DOCK3: variants seen among roughly 807,000 people sequenced by gnomAD.
DOCK3 encodes the protein dedicator of cytokinesis 3.
DOCK3 carries 60 observed loss-of-function variants against 265.6 expected under a neutral mutation model. The ratio of observed to expected loss-of-function variants is 0.23; its 90% CI spans 0.18 to 0.28. The LOEUF (loss-of-function observed/expected upper bound fraction) is 0.28. Ranked by LOEUF, DOCK3 falls within the 10% of genes least tolerant of loss-of-function variation. The pLI is 1.00. For missense variants in DOCK3, 1,981 were observed against 2,594.3 expected (o/e 0.76, Z 5.14); for synonymous variants, 881 against 938.0 (o/e 0.94, Z 1.11).
At chr3:51,230,989 A>G (rs537160105) in intron 19 of DOCK3, among the ~76,000 whole-genome samples, 1 of 152,096 alleles carries the variant, frequency 6.6e-6, no homozygotes, top group African/African-American at 2.4e-5. Context: ...GCTGGGTCAA[A>G]TGTTAGTTCT....
chr3:51,186,076 G>GAA (rs1226808770), intron 12 of DOCK3, among the ~76,000 whole-genome samples: 1 of 152,176 alleles, frequency 6.6e-6, no homozygotes, highest in Non-Finnish European at 1.5e-5. Context: ...GAACAGTTTG[G>GAA]AGGGCTCAGA....
At chr3:51,224,452 C>G (rs1337788589) in intron 14 of DOCK3, among the ~76,000 whole-genome samples, 1 of 152,188 alleles carries the variant, frequency 6.6e-6, no homozygotes, top group Non-Finnish European at 1.5e-5. Context: ...AAAAAGAGAG[C>G]ATTGTCATTT....
At chr3:50,790,594 C>A (rs1038314148) in intron 2 of DOCK3, among the ~76,000 whole-genome samples, 1 of 151,072 alleles carries the variant, frequency 6.6e-6, no homozygotes, top group East Asian at 2.0e-4. Flanking sequence ...TTGCTAGATA[C>A]AAAATTCATG....
intron 27 of DOCK3, among the ~76,000 whole-genome samples, chr3:51,295,391 C>G (rs527483478): frequency 6.6e-6 from 1 of 152,272 alleles, no homozygotes; most frequent in African/African-American, 2.4e-5. Context: ...CTCACTTTTC[C>G]CCAAGGGAAG....
Position 51,310,286 on chromosome 3 carries a change from T to C in DOCK3, c.2977T>C (p.Phe993Leu). ...CCGGAACCTGATGAAGATGAGTGTC[T>C]TCCCTCGGGACTGGATGGTAATGAG... ...VFRNLMKMSV[F>L]PRDWMVMRLL... The change falls in exon 28 of 53, where the codon TTC becomes CTC. Residue 993 changes from phenylalanine to leucine, a missense_variant. Around this residue, in one of 4 missense-constraint regions of DOCK3, gnomAD observed 1,357 missense variants for 1,866.8 expected, o/e 0.73. Transcript: ENST00000266037. The C allele has an allele frequency of 6.2e-7, 1 of 1,605,882 alleles. No individual in the cohort carries two copies. The highest frequency in any genetic ancestry group is 8.5e-7 in the Non-Finnish European group (1 of 1,176,266).
intron 21 of DOCK3, among the ~76,000 whole-genome samples, chr3:51,240,937 T>G (rs982221493): frequency 6.6e-6 from 1 of 152,182 alleles, no homozygotes; most frequent in Non-Finnish European, 1.5e-5. Flanking sequence ...ATATTCAAAG[T>G]TAGTATTGAT....
chr3:51,110,950 G>C (rs1019492541), intron 9 of DOCK3, among the ~76,000 whole-genome samples: 2 of 152,134 alleles, frequency 1.3e-5, no homozygotes, highest in Non-Finnish European at 2.9e-5. Context: ...CGGCCCAAAA[G>C]CTCCTTAAGC....
chr3:50,955,731 G>A (rs2076711943), intron 5 of DOCK3, among the ~76,000 whole-genome samples: 1 of 152,076 alleles, frequency 6.6e-6, no homozygotes, highest in Non-Finnish European at 1.5e-5. Flanking sequence ...TAACTATTGG[G>A]CACTAGGCTT....
At chr3:51,312,405 T>G (rs2083124543) in intron 29 of DOCK3, 71 bp from the exon 30 acceptor site, 1 of 1,268,004 alleles carries the variant, frequency 7.9e-7, no homozygotes, top group African/African-American at 1.5e-5. Context: ...GCTACATGCA[T>G]GTATTTAGTA....
At chr3:51,275,322 A>C in intron 25 of DOCK3, 116 bp downstream of exon 25, 1 of 1,497,002 alleles carries the variant, frequency 6.7e-7, no homozygotes. Flanking sequence ...AGATGCTTTC[A>C]TCAGTGACAG....
chr3:51,122,121 C>A (rs1338077177), intron 9 of DOCK3, among the ~76,000 whole-genome samples: 5 of 152,178 alleles, frequency 3.3e-5, no homozygotes, highest in Admixed American at 3.3e-4. Context: ...TGTTACATCC[C>A]TGGTAGCGTA....
intron 22 of DOCK3, among the ~76,000 whole-genome samples, chr3:51,251,391 G>A (rs371562048): frequency 4.9e-4 from 75 of 152,288 alleles, no homozygotes; most frequent in African/African-American, 1.8e-3. Context: ...CCCAGTAATG[G>A]GATGGCTTGG....
At chr3:51,262,684 G>A (rs1330754736) in intron 23 of DOCK3, among the ~76,000 whole-genome samples, 1 of 152,132 alleles carries the variant, frequency 6.6e-6, no homozygotes, top group South Asian at 2.1e-4. Flanking sequence ...AAAGGTTAGA[G>A]GAATTGCTAA....
chr3:51,227,890 A>C, intron 16 of DOCK3, 92 bp from the exon 17 acceptor site: 2 of 1,244,748 alleles, frequency 1.6e-6, no homozygotes, highest in Non-Finnish European at 2.3e-6. Context: ...GAGGCGAGGA[A>C]CAAAAGAGCA....
At chr3:50,730,238 T>G (rs1394366907) in intron 1 of DOCK3, among the ~76,000 whole-genome samples, 1 of 152,110 alleles carries the variant, frequency 6.6e-6, no homozygotes, top group East Asian at 1.9e-4. Context: ...GCCTCTCAGG[T>G]TCAAGCGATT....
chr3:50,918,081 A>G (rs1295814713), intron 4 of DOCK3, among the ~76,000 whole-genome samples: 2 of 152,210 alleles, frequency 1.3e-5, no homozygotes, highest in East Asian at 3.9e-4. Flanking sequence ...CCTACAAAGG[A>G]CATGAACTCA....
chr3:50,955,049 A>C (rs1481386855), intron 5 of DOCK3, among the ~76,000 whole-genome samples: 1 of 152,160 alleles, frequency 6.6e-6, no homozygotes, highest in Non-Finnish European at 1.5e-5. Flanking sequence ...ATGGCTAGCC[A>C]GTTATTTCAG....
At chr3:50,953,889 T>G (rs749750030) in intron 5 of DOCK3, among the ~76,000 whole-genome samples, 2 of 152,134 alleles carry the variant, frequency 1.3e-5, no homozygotes, top group Non-Finnish European at 2.9e-5. Flanking sequence ...CAACTGTATA[T>G]CTACCTATTT....
rs1202733364 is a variant in DOCK3 at position 51,275,222 on chromosome 3, C to T, written c.2676+16C>T. ...CAGCTCTCTGGTAGTGGCCCCACAC[C>T]CACTCCACCCTGTTCAGCTCTTCCC... On this transcript the variant is annotated intron_variant, in intron 25 of 52. Transcript: ENST00000266037. 2.5e-6 allele frequency: 4 copies of T among 1,613,598 alleles called. No individual in the cohort carries two copies. The East Asian group carries it at 8.9e-5, about 36-fold the overall frequency.
Sources: allele counts gnomAD v4.1 joint callset (sites outside exome capture counted in the v4.1 genomes callset), GRCh38; gene constraint gnomAD v4.1.1; regional missense constraint gnomAD v4.1.1; transcripts MANE v1.5; gene names NCBI Gene and HGNC (gene_info 2026-07-23, HGNC 2026-07-21).